Variants in DOCK9 observed in about 807,000 individuals in gnomAD.
The protein encoded by DOCK9 is dedicator of cytokinesis protein 9.
In DOCK9, 89 loss-of-function variants were observed where a neutral mutation model predicts 263.3. The observed-to-expected ratio is 0.34, with a 90% CI of 0.28 to 0.40. DOCK9 has a LOEUF of 0.40. Ranked by LOEUF, DOCK9 falls within the 10% of genes least tolerant of loss-of-function variation. The pLI is 1.00. For missense variants in DOCK9, 2,140 were observed against 2,603.4 expected, an observed-to-expected ratio of 0.82 and a Z score of 3.87; for synonymous variants, 976 against 973.1, an observed-to-expected ratio of 1.00 and a Z score of -0.06.
intron 47 of DOCK9, among the ~76,000 whole-genome samples, chr13:98,808,246 C>T (rs1417541319): frequency 6.6e-6 from 1 of 152,044 alleles, no homozygotes; most frequent in Non-Finnish European, 1.5e-5. Flanking sequence ...GTTTGGGGGT[C>T]TGGAGTAAGT....
At chr13:98,927,794 T>C (rs2053242722) in intron 3 of DOCK9, among the ~76,000 whole-genome samples, 2 of 151,824 alleles carry the variant, frequency 1.3e-5, no homozygotes, top group South Asian at 4.2e-4. Flanking sequence ...CTACTTTTTG[T>C]ATTTTTAGTA....
At chr13:98,901,670 G>A in intron 13 of DOCK9, 108 bp downstream of exon 13, 1 of 1,256,058 alleles carries the variant, frequency 8.0e-7, no homozygotes. Flanking sequence ...ACATCTTTTA[G>A]AGTATAAATA....
intron 9 of DOCK9, among the ~76,000 whole-genome samples, chr13:98,908,656 T>TA (rs879884460): frequency 1.1e-3 from 167 of 152,256 alleles, no homozygotes; most frequent in Non-Finnish European, 1.6e-3. Context: ...ATATTTTTAT[T>TA]AAAAAAACTT....
At chr13:99,025,945 T>C (rs1566319090) in intron 1 of DOCK9, among the ~76,000 whole-genome samples, 2 of 152,196 alleles carry the variant, frequency 1.3e-5, no homozygotes, top group Admixed American at 1.3e-4. Flanking sequence ...AAGGATCACA[T>C]AGTGCATGAA....
intron 44 of DOCK9, 36 bp downstream of exon 44, chr13:98,826,794 T>C (rs565286123): frequency 1.3e-6 from 2 of 1,536,042 alleles, no homozygotes; most frequent in East Asian, 4.6e-5. Context: ...GGTTTTATAC[T>C]AATTAATTTC....
chr13:99,047,719 C>T (rs988550392), intron 1 of DOCK9, among the ~76,000 whole-genome samples: 1 of 151,784 alleles, frequency 6.6e-6, no homozygotes, highest in Non-Finnish European at 1.5e-5. Context: ...GACGGGGTTT[C>T]ACCATGTTAG....
At position 98,863,147 on chromosome 13, in the gene DOCK9, C is replaced by A. The variant is rs1224969738; in HGVS notation, c.3466-15G>T. Reference sequence around the variant, plus strand: ...GCCTGATGGCTCTGAAAAGAAGACACACATGGTAAGTTTGACCCAGGATTC... The same window carrying A: ...GCCTGATGGCTCTGAAAAGAAGACAAACATGGTAAGTTTGACCCAGGATTC... On this transcript the variant is annotated splice_polypyrimidine_tract_variant and intron_variant, in intron 31 of 52. Transcript: ENST00000682017. 6.3e-7 allele frequency: 1 copy of A among 1,590,408 alleles called. No individual in the cohort carries two copies. The highest frequency in any genetic ancestry group is 1.8e-5 in the Admixed American group (1 of 56,786).
intron 45 of DOCK9, among the ~76,000 whole-genome samples, chr13:98,818,737 T>G (rs1377469893): frequency 6.6e-6 from 1 of 152,078 alleles, no homozygotes; most frequent in African/African-American, 2.4e-5. Flanking sequence ...TCAAGGAAGC[T>G]TTTAAAAATG....
At chr13:98,811,361 A>G (rs1227878542) in intron 45 of DOCK9, among the ~76,000 whole-genome samples, 1 of 151,662 alleles carries the variant, frequency 6.6e-6, no homozygotes, top group African/African-American at 2.4e-5. Context: ...TACTGTGGAT[A>G]AATGTCCTTT....
upstream of DOCK9, chr13:99,087,730 G>A (rs543882017): frequency 6.6e-6 from 1 of 152,590 alleles, no homozygotes; most frequent in South Asian, 2.1e-4. Flanking sequence ...CTCAGTGGTT[G>A]GGGACTGGGC....
At chr13:99,037,315 G>A (rs1383753954) in intron 1 of DOCK9, among the ~76,000 whole-genome samples, 2 of 151,790 alleles carry the variant, frequency 1.3e-5, no homozygotes, top group Non-Finnish European at 2.9e-5. Flanking sequence ...AAAAAAGATT[G>A]GAACAAACAT....
rs777672511 is a variant in DOCK9, at chr13:98,977,957, G to A, written c.-48C>T. The A allele has an allele frequency of 5.8e-6, 9 of 1,538,704 alleles. No individual in the cohort carries two copies. Among genetic ancestry groups the A allele is most frequent in the Admixed American group, 4.0e-5 (2 of 50,442 alleles). On this transcript the variant is annotated 5_prime_UTR_variant, in exon 1 of 53. Transcript: ENST00000682017. ...GAAAGTCTGCAACTGGAACAGCTGC[G>A]AGTCCCTGGCCGTGCAAGGCACAGG... is the stretch of plus-strand genomic sequence containing the variant.
Position 98,816,662 on chromosome 13 carries a change from A to G in DOCK9, c.5131-6371T>C, listed in dbSNP as rs2091883853. ...GTCCGGCCACAAGGGAAGGTGAGGC[A>G]TGGAAAGCTGAGGAGAGTGATGACT... On this transcript the variant is annotated intron_variant, in intron 45 of 52. Transcript: ENST00000682017. 3.4e-5 allele frequency among the ~76,000 whole-genome samples: 5 copies of G among 146,486 alleles called. No individual in the cohort carries two copies. In the South Asian group the frequency reaches 7.2e-4, roughly 21 times the overall value.
chr13:99,087,431 A>G (rs2042373032), upstream of DOCK9, among the ~76,000 whole-genome samples: 2 of 152,018 alleles, frequency 1.3e-5, no homozygotes, highest in South Asian at 4.2e-4. Flanking sequence ...ACTGGGGCCG[A>G]TTTAGCCGGT....
At chr13:98,944,408 A>G (rs1484615233) in intron 2 of DOCK9, among the ~76,000 whole-genome samples, 1 of 146,522 alleles carries the variant, frequency 6.8e-6, no homozygotes, top group Non-Finnish European at 1.5e-5. Context: ...AAAAGCTACT[A>G]CCCTCAGCAG....
At chr13:99,087,117 C>T (rs2042366280), upstream of DOCK9, among the ~76,000 whole-genome samples, 1 of 152,138 alleles carries the variant, frequency 6.6e-6, no homozygotes, top group African/African-American at 2.4e-5. Context: ...TATGTGGCAC[C>T]GATCGGAACC....
intron 7 of DOCK9, among the ~76,000 whole-genome samples, chr13:98,920,743 C>T (rs2051826087): frequency 6.6e-6 from 1 of 152,236 alleles, no homozygotes; most frequent in Admixed American, 6.5e-5. Context: ...AGCCAGAGTG[C>T]TCCTGCCTGC....
At chr13:98,808,904 G>A (rs1234446429) in intron 47 of DOCK9, among the ~76,000 whole-genome samples, 8 of 152,124 alleles carry the variant, frequency 5.3e-5, no homozygotes, top group Non-Finnish European at 1.0e-4. Context: ...AGATGCACAG[G>A]CACAAAGGAC....
chr13:98,957,624 T>G (rs1487069202), intron 1 of DOCK9, among the ~76,000 whole-genome samples: 1 of 151,164 alleles, frequency 6.6e-6, no homozygotes, highest in East Asian at 1.9e-4. Flanking sequence ...TTTTTCAAAA[T>G]ATTTTAATTA....
Sources: gnomAD v4.1 joint callset for allele counts (sites outside exome capture counted in the v4.1 genomes callset) on GRCh38, gnomAD v4.1.1 for gene constraint, MANE v1.5 for transcripts, NCBI Gene and HGNC (gene_info 2026-07-23, HGNC 2026-07-21) for gene names.